CTNNA3: variants seen among roughly 807,000 people sequenced by gnomAD.
The protein encoded by CTNNA3 is catenin alpha-3.
In CTNNA3, 76 loss-of-function variants were observed where a neutral mutation model predicts 95.7. The ratio of observed to expected loss-of-function variants is 0.79; its 90% CI spans 0.66 to 0.96. The LOEUF is 0.96. CTNNA3 is among the 40% of genes least tolerant of loss of function. CTNNA3 has a pLI of 0.00. For synonymous variants in CTNNA3, 431 were observed against 374.4 expected (o/e 1.15, Z -1.74); for missense variants, 1,191 against 1,089.8 (o/e 1.09, Z -1.31).
At chr10:67,070,545 G>A (rs528982236) in intron 7 of CTNNA3, among the ~76,000 whole-genome samples, 4 of 151,982 alleles carry the variant, frequency 2.6e-5, no homozygotes, top group African/African-American at 9.7e-5. Flanking sequence ...TCCGGAGATC[G>A]AGACCATCTT....
intron 9 of CTNNA3, among the ~76,000 whole-genome samples, chr10:66,734,444 T>A (rs1421091919): frequency 1.3e-5 from 2 of 152,192 alleles, no homozygotes; most frequent in Non-Finnish European, 2.9e-5. Context: ...AATACCTTTT[T>A]ATTTCTAAAT....
rs991561709 is a variant in CTNNA3, at chr10:65,914,931, A to C, written c.*5399T>G. Reference sequence around the variant, plus strand: ...TTTTAAAGCCAGTGAGACTTTGAGCAAGATTCTTATCCCATTTAACCCTCA... The same window carrying C: ...TTTTAAAGCCAGTGAGACTTTGAGCCAGATTCTTATCCCATTTAACCCTCA... On this transcript the variant is annotated 3_prime_UTR_variant, in exon 18 of 18. Transcript: ENST00000433211. The C allele has an allele frequency of 6.6e-6, 1 of 152,184 alleles. No individual in the cohort carries two copies. The highest frequency in any genetic ancestry group is 1.5e-5 in the Non-Finnish European group (1 of 68,032). 9.4% of individuals were successfully genotyped at this position (152,184 alleles called of 1,614,324 possible).
intron 7 of CTNNA3, among the ~76,000 whole-genome samples, chr10:67,131,915 G>T (rs1860028706): frequency 6.6e-6 from 1 of 152,080 alleles, no homozygotes; most frequent in African/African-American, 2.4e-5. Flanking sequence ...TGGGAATTCA[G>T]AAAGCATTTT....
intron 17 of CTNNA3, among the ~76,000 whole-genome samples, chr10:65,930,219 A>AC (rs1554816532): frequency 1.7e-3 from 249 of 147,302 alleles, no homozygotes; most frequent in East Asian, 5.6e-3. Context: ...AAAAAAAAAA[A>AC]AAAAAAACAG....
intron 4 of CTNNA3, among the ~76,000 whole-genome samples, chr10:67,538,165 A>AC (rs1840545819): frequency 7.4e-6 from 1 of 134,246 alleles, no homozygotes; most frequent in African/African-American, 2.8e-5. Flanking sequence ...ACTAAAAAAA[A>AC]AAAAAAAAAA....
At chr10:66,529,681 G>A (rs16923220) in intron 10 of CTNNA3, among the ~76,000 whole-genome samples, 3,894 of 152,050 alleles carry the variant, frequency 0.026, 92 homozygotes, top group East Asian at 0.064. Flanking sequence ...GCAATGTGCC[G>A]GGCATGTTTC....
chr10:66,662,788 A>G (rs888565362), intron 9 of CTNNA3, among the ~76,000 whole-genome samples: 2 of 152,112 alleles, frequency 1.3e-5, no homozygotes, highest in Non-Finnish European at 2.9e-5. Flanking sequence ...TGAGAGAGAG[A>G]GAGAGAAGGA....
chr10:66,888,524 C>G (rs2132486009), intron 7 of CTNNA3, among the ~76,000 whole-genome samples: 1 of 151,188 alleles, frequency 6.6e-6, no homozygotes, highest in African/African-American at 2.4e-5. Context: ...TCATGCAGGC[C>G]TTTCAGGTCA....
chr10:65,957,291 G>T (rs530703643), intron 17 of CTNNA3, among the ~76,000 whole-genome samples: 1 of 152,076 alleles, frequency 6.6e-6, no homozygotes, highest in Non-Finnish European at 1.5e-5. Context: ...GTCTCTGCAC[G>T]TGAGATGGGT....
At chr10:66,228,726 A>G (rs919042887) in intron 13 of CTNNA3, among the ~76,000 whole-genome samples, 2 of 152,026 alleles carry the variant, frequency 1.3e-5, no homozygotes, top group Admixed American at 6.6e-5. Flanking sequence ...TCTCTGTTCA[A>G]TGTTGAGAGT....
chr10:65,942,734 T>C (rs2077448750), intron 17 of CTNNA3, among the ~76,000 whole-genome samples: 1 of 152,204 alleles, frequency 6.6e-6, no homozygotes, highest in African/African-American at 2.4e-5. Flanking sequence ...AAATCAGTCA[T>C]TTATTTATAC....
At chr10:66,138,564 C>T (rs1180633952) in intron 13 of CTNNA3, among the ~76,000 whole-genome samples, 2 of 152,176 alleles carry the variant, frequency 1.3e-5, no homozygotes. Context: ...CGCAGTGGCT[C>T]ACACCTATAA....
chr10:67,170,872 G>A (rs895057128), intron 7 of CTNNA3, among the ~76,000 whole-genome samples: 4 of 152,134 alleles, frequency 2.6e-5, no homozygotes, highest in African/African-American at 7.2e-5. Context: ...TATTGAACAC[G>A]AAATATGGTT....
chr10:66,551,662 CAT>C (rs763661198), intron 10 of CTNNA3, among the ~76,000 whole-genome samples: 7 of 151,962 alleles, frequency 4.6e-5, no homozygotes, highest in Non-Finnish European at 5.9e-5. Flanking sequence ...TACTTTGTAA[CAT>C]GTGGATCTTG....
chr10:66,308,261 C>T (rs371012518), intron 12 of CTNNA3, among the ~76,000 whole-genome samples: 4 of 152,108 alleles, frequency 2.6e-5, no homozygotes, highest in East Asian at 3.9e-4. Flanking sequence ...AATTAATATA[C>T]ATTGTTTGAT....
chr10:66,149,695 A>T (rs1393880109), intron 13 of CTNNA3, among the ~76,000 whole-genome samples: 1 of 151,994 alleles, frequency 6.6e-6, no homozygotes, highest in Non-Finnish European at 1.5e-5. Flanking sequence ...ATTCTTAATC[A>T]TAAGTAAAAT....
intron 7 of CTNNA3, chr10:67,099,553 G>A (rs1188823974): frequency 6.6e-6 from 1 of 152,120 alleles, no homozygotes; most frequent in Non-Finnish European, 1.5e-5. Context: ...ATGCAGGTTT[G>A]TCACAGCAAA....
intron 11 of CTNNA3, among the ~76,000 whole-genome samples, chr10:66,500,970 A>G (rs1840259696): frequency 6.6e-6 from 1 of 152,196 alleles, no homozygotes; most frequent in East Asian, 1.9e-4. Flanking sequence ...TTCTACTGTT[A>G]GCATGTGGCA....
intron 7 of CTNNA3, among the ~76,000 whole-genome samples, chr10:66,940,105 G>A (rs1236922507): frequency 2.0e-5 from 3 of 152,042 alleles, no homozygotes; most frequent in Non-Finnish European, 2.9e-5. Context: ...AATCTGCTTG[G>A]TCCAACTTAG....
Sources: gnomAD v4.1 joint callset for allele counts (sites outside exome capture counted in the v4.1 genomes callset) on GRCh38, gnomAD v4.1.1 for gene constraint, MANE v1.5 for transcripts, NCBI Gene and HGNC (gene_info 2026-07-23, HGNC 2026-07-21) for gene names.